PKIG: variants seen among roughly 807,000 people sequenced by gnomAD.
PKIG encodes the protein cAMP-dependent protein kinase inhibitor gamma, also known as protein kinase (cAMP-dependent, catalytic) inhibitor gamma.
In PKIG, 1 loss-of-function variant was observed where a neutral mutation model predicts 6.8. That is an observed-to-expected ratio of 0.15 (90% confidence interval 0.05 to 0.69). PKIG has a LOEUF of 0.69. Among genes scored for constraint, PKIG ranks in the 30% least tolerant of loss-of-function variants. PKIG has a pLI of 0.82. For missense variants in PKIG, 77 were observed against 104.0 expected, an observed-to-expected ratio of 0.74 and a Z score of 1.13; for synonymous variants, 39 against 43.0, an observed-to-expected ratio of 0.91 and a Z score of 0.36.
At chr20:44,607,329 GTGTT>G (rs1223430280) in intron 2 of PKIG, among the ~76,000 whole-genome samples, 43 of 148,460 alleles carry the variant, frequency 2.9e-4, no homozygotes, top group Admixed American at 1.3e-3. Flanking sequence ...GTGTGTGTGT[GTGTT>G]TGTGTGTGTA....
chr20:44,571,166 G>A (rs1408071610), intron 1 of PKIG, among the ~76,000 whole-genome samples: 4 of 152,110 alleles, frequency 2.6e-5, no homozygotes, highest in East Asian at 3.9e-4. Context: ...CCCAGGAGGC[G>A]GAGGTTGCAG....
At chr20:44,598,653 G>C (rs1325056729) in intron 2 of PKIG, 1 of 152,218 alleles carries the variant, frequency 6.6e-6, no homozygotes, top group Non-Finnish European at 1.5e-5. Context: ...ACCTTGCTGT[G>C]TAGCTGAGCC....
chr20:44,590,192 T>C (rs1006944018), intron 2 of PKIG, among the ~76,000 whole-genome samples: 1 of 152,194 alleles, frequency 6.6e-6, no homozygotes, highest in South Asian at 2.1e-4. Context: ...ACAGGAGTTA[T>C]TAGCAACATT....
intron 1 of PKIG, among the ~76,000 whole-genome samples, chr20:44,534,052 G>A (rs1315185017): frequency 6.6e-6 from 1 of 152,176 alleles, no homozygotes; most frequent in Non-Finnish European, 1.5e-5. Context: ...GAAAGACAAA[G>A]TGTAGGCAGC....
At chr20:44,582,319 T>TAGGA (rs2064955290), upstream of PKIG, among the ~76,000 whole-genome samples, 1 of 152,114 alleles carries the variant, frequency 6.6e-6, no homozygotes, top group South Asian at 2.1e-4. Flanking sequence ...AGTGAGTGGA[T>TAGGA]AGGAAGCCTT....
At chr20:44,546,557 G>GTTTTTTTTTTT in intron 1 of PKIG, among the ~76,000 whole-genome samples, 2 of 117,444 alleles carry the variant, frequency 1.7e-5, no homozygotes, top group African/African-American at 8.7e-5. Context: ...GTTTTTTTGA[G>GTTTTTTTTTTT]TTCTTTTTTT....
intron 3 of PKIG, among the ~76,000 whole-genome samples, chr20:44,615,738 A>G (rs1410830434): frequency 6.6e-6 from 1 of 152,280 alleles, no homozygotes; most frequent in African/African-American, 2.4e-5. Flanking sequence ...GGGTAGCCCT[A>G]GTCTTCTTGC....
At chr20:44,611,599 C>G (rs2065219739) in intron 2 of PKIG, among the ~76,000 whole-genome samples, 1 of 151,524 alleles carries the variant, frequency 6.6e-6, no homozygotes, top group Admixed American at 6.6e-5. Context: ...TCACTGCAAG[C>G]TCCGCCTCCT....
chr20:44,603,698 G>A (rs2065141027), intron 2 of PKIG, among the ~76,000 whole-genome samples: 1 of 152,134 alleles, frequency 6.6e-6, no homozygotes. Flanking sequence ...GATGTCTTTC[G>A]GTTAGATTCT....
chr20:44,597,266 C>T (rs2065083156), intron 2 of PKIG, among the ~76,000 whole-genome samples: 1 of 150,890 alleles, frequency 6.6e-6, no homozygotes, highest in South Asian at 2.1e-4. Flanking sequence ...CAGATCCCCC[C>T]ACCTGGCTTT....
At chr20:44,561,920 A>C (rs2064770497) in intron 1 of PKIG, among the ~76,000 whole-genome samples, 1 of 152,246 alleles carries the variant, frequency 6.6e-6, no homozygotes, top group Admixed American at 6.5e-5. Context: ...AAAGCTAAAA[A>C]CTGAGCAAGC....
At chr20:44,546,493 A>G (rs184590296) in intron 1 of PKIG, among the ~76,000 whole-genome samples, 18 of 152,104 alleles carry the variant, frequency 1.2e-4, no homozygotes, top group African/African-American at 4.3e-4. Context: ...TGGTCATTAT[A>G]AATTGTGCCC....
chr20:44,558,670 T>G (rs1056248189), intron 1 of PKIG, among the ~76,000 whole-genome samples: 3 of 150,578 alleles, frequency 2.0e-5, no homozygotes, highest in African/African-American at 7.4e-5. Flanking sequence ...CCTTCCTCTC[T>G]CTCTTTCTTT....
chr20:44,532,843 A>C (rs1384978693), intron 1 of PKIG, among the ~76,000 whole-genome samples: 1 of 152,156 alleles, frequency 6.6e-6, no homozygotes, highest in Non-Finnish European at 1.5e-5. Flanking sequence ...AGGTAGAGAA[A>C]AGCCTTGGGG....
Position 44,614,605 on chromosome 20 carries a change from A to G in PKIG, c.49A>G (p.Thr17Ala), listed in dbSNP as rs572314521. Residue 17 changes from threonine to alanine, a missense_variant, in exon 3 of 4, where the codon ACA becomes GCA. Thr to Ala is a moderately conservative substitution (Grantham distance 58). Coordinates refer to ENST00000372886, the MANE Select transcript of PKIG (RefSeq NM_001281445.2). This position sits in a 1 kb window ranked among gnomAD's most constrained non-coding sequence, Gnocchi z 4.6. Reference sequence around the variant, plus strand: ...CTCGGACTTCATCTCCTGTGACCGGACAGGCCGTCGGAATGCGGTCCCTGA... The same window carrying G: ...CTCGGACTTCATCTCCTGTGACCGGGCAGGCCGTCGGAATGCGGTCCCTGA... ...SYSDFISCDRTGRRNAVPDIQ... is the reference protein window; with the variant it reads ...SYSDFISCDRAGRRNAVPDIQ... 32 of 1,614,118 alleles carry G rather than the reference A, an allele frequency of 2.0e-5. No homozygotes were observed. The South Asian group carries it at 2.6e-4, about 13-fold the overall frequency.
intron 2 of PKIG, among the ~76,000 whole-genome samples, chr20:44,591,845 A>T (rs1186867118): frequency 6.6e-6 from 1 of 152,044 alleles, no homozygotes; most frequent in Non-Finnish European, 1.5e-5. Flanking sequence ...CCATGTAAGG[A>T]TTTGTTGAAA....
chr20:44,608,448 AG>A (rs1364734443), intron 2 of PKIG, among the ~76,000 whole-genome samples: 3 of 152,230 alleles, frequency 2.0e-5, no homozygotes, highest in Non-Finnish European at 4.4e-5. Flanking sequence ...TTGTCCGTTT[AG>A]GACATGTGAC....
Position 44,614,837 on chromosome 20 carries a change from A to G in PKIG, c.151+130A>G, listed in dbSNP as rs563390804. The G allele has an allele frequency of 5.5e-6, 5 of 902,656 alleles. No homozygotes were observed. The African/African-American group carries it at 6.7e-5, about 12-fold the overall frequency. 55.9% of individuals were successfully genotyped at this position (902,656 alleles called of 1,614,324 possible). ...ACCACATTTAAGTCAGGCCTGCCCC[A>G]TGGTCAGTGGCAGAGTCCAGCAATC... On this transcript the variant is annotated intron_variant, in intron 3 of 3. Transcript: ENST00000372886. The surrounding 1 kb of genome is among the most constrained non-coding windows in gnomAD (Gnocchi z 4.6).
rs142231284 is a variant in PKIG at position 44,560,046 on chromosome 20, A to G, written c.-240-22539A>G. ...TTTTTTCATGGGCAAAACCCGGAGA[A>G]GAAAATATGAAAAAAATACAAAAAA... is the stretch of plus-strand genomic sequence containing the variant. On this transcript the variant is annotated intron_variant, in intron 1 of 4. Coordinates refer to the PKIG transcript ENST00000372887. Among the ~76,000 whole-genome samples the G allele has an allele frequency of 2.3e-3, 339 of 149,862 alleles. 1 individual carries two copies. The highest frequency in any genetic ancestry group is 3.8e-3 in the Non-Finnish European group (259 of 67,794).
Sources: gnomAD v4.1 joint callset for allele counts (sites outside exome capture counted in the v4.1 genomes callset) on GRCh38, gnomAD v4.1.1 for gene constraint, Gnocchi (gnomAD v3.1) non-coding constraint, MANE v1.5 for transcripts, NCBI Gene and HGNC (gene_info 2026-07-23, HGNC 2026-07-21) for gene names.